The following CELSR1 variants were observed in gnomAD, a reference collection of about 807,000 sequenced individuals.
CELSR1 encodes the protein adhesion G protein-coupled receptor C1.
A neutral mutation model predicts 249.1 loss-of-function variants in CELSR1; 110 were observed. The ratio of observed to expected loss-of-function variants is 0.44; its 90% CI spans 0.38 to 0.52. CELSR1 has a LOEUF of 0.52. Ranked by LOEUF, CELSR1 falls within the 20% of genes least tolerant of loss-of-function variation. CELSR1 has a pLI of 0.00. For synonymous variants in CELSR1, 2,113 were observed against 1,900.0 expected, an observed-to-expected ratio of 1.11 and a Z score of -2.92; for missense variants, 4,109 against 4,296.4, an observed-to-expected ratio of 0.96 and a Z score of 1.22.
intron 17 of CELSR1, 122 bp from the exon 18 acceptor site, chr22:46,389,621 A>G: frequency 1.8e-6 from 2 of 1,112,456 alleles, no homozygotes; most frequent in Non-Finnish European, 2.6e-6. Flanking sequence ...AACTTTAAAA[A>G]ATCCAAAAGC....
rs761786832 is a variant in CELSR1 at position 46,535,109 on chromosome 22, T to C, written c.2062A>G (p.Thr688Ala). 6.2e-7 allele frequency: 1 copy of C among 1,611,912 alleles called. No individual in the cohort carries two copies. The highest frequency in any genetic ancestry group is 2.2e-5 in the East Asian group (1 of 44,856). The change falls in exon 1 of 35, where the codon ACG becomes GCG. Residue 688 changes from threonine to alanine, a missense_variant. Around this residue, in one of 7 missense-constraint regions of CELSR1, gnomAD observed 886 missense variants for 896.5 expected, o/e 0.99. Transcript: ENST00000674500. ...LDVNDNDPVF[T>A]QPTYELRLNE... ...AGACGAAGCTCGTAGGTGGGCTGCGTGAACACCGGGTCGTTGTCATTCACG... is the reference window on the plus strand; with the variant it reads ...AGACGAAGCTCGTAGGTGGGCTGCGCGAACACCGGGTCGTTGTCATTCACG...
At position 46,399,931 on chromosome 22, in the gene CELSR1, T is replaced by C. The variant is rs752293119; in HGVS notation, c.5227-29A>G. 12 of 1,609,914 alleles carry C rather than the reference T, an allele frequency of 7.5e-6. No individual in the cohort carries two copies. The highest frequency in any genetic ancestry group is 3.3e-5 in the Admixed American group (2 of 59,828). On this transcript the variant is annotated intron_variant, in intron 9 of 34. Coordinates refer to ENST00000674500, the MANE Select transcript of CELSR1 (RefSeq NM_001378328.1). This position sits in a 1 kb window ranked among gnomAD's most constrained non-coding sequence, Gnocchi z 5.0. ...GAGCAGGGAGAGCCACACCGACTGATTGGTACAATGACAATGAAAGAGAAA... is the reference window on the plus strand; with the variant it reads ...GAGCAGGGAGAGCCACACCGACTGACTGGTACAATGACAATGAAAGAGAAA...
At chr22:46,373,556 G>A (rs1017334258) in intron 24 of CELSR1, among the ~76,000 whole-genome samples, 4 of 151,016 alleles carry the variant, frequency 2.6e-5, no homozygotes, top group African/African-American at 9.8e-5. Flanking sequence ...GGGAGAGGCT[G>A]CCCCAGCCAG....
chr22:46,433,445 C>A lies in CELSR1; in HGVS notation c.4559G>T (p.Ser1520Ile), dbSNP rs1399918386. 1 of 1,613,946 alleles carries A rather than the reference C, an allele frequency of 6.2e-7. No individual in the cohort carries two copies. Among genetic ancestry groups the A allele is most frequent in the African/African-American group, 1.3e-5 (1 of 74,930 alleles). The change falls in exon 5 of 35, where the codon AGT becomes ATT. Residue 1520 changes from serine to isoleucine, a missense_variant. Physicochemically the swap from Ser to Ile is moderately radical, Grantham distance 142. This residue lies in a region of CELSR1 where 453 missense variants were observed against 492.0 expected (regional missense o/e 0.92). Transcript: ENST00000674500. The surrounding 1 kb of genome is among the most constrained non-coding windows in gnomAD (Gnocchi z 5.7). ...GTGCCACCGCCCGTCACTCACACCA[C>A]TGGGAACCTTCGGTGCCACGGTCGT... ...TTTTVAPKVP[S>I]GVSDGRWHSV...
chr22:46,432,824 C>G (rs2079611061), intron 5 of CELSR1, among the ~76,000 whole-genome samples: 1 of 152,138 alleles, frequency 6.6e-6, no homozygotes, highest in Admixed American at 6.5e-5. Context: ...TGTCCCTCCC[C>G]CAGCGCAGGA....
chr22:46,504,679 A>G (rs1042303860), intron 1 of CELSR1, among the ~76,000 whole-genome samples: 2 of 152,210 alleles, frequency 1.3e-5, no homozygotes, highest in African/African-American at 4.8e-5. Context: ...GGCAGATTTC[A>G]TCTTCACACA....
intron 1 of CELSR1, among the ~76,000 whole-genome samples, chr22:46,475,945 C>T (rs528027825): frequency 6.6e-6 from 1 of 152,242 alleles, no homozygotes; most frequent in Admixed American, 6.5e-5. Context: ...TAATAACAGG[C>T]CCCACTGTGC....
In CELSR1 at chr22:46,364,649, C is replaced by T. The variant is rs528831685; in HGVS notation, c.8642G>A (p.Arg2881His). 9.7e-5 allele frequency: 156 copies of T among 1,612,700 alleles called. No homozygotes were observed. The South Asian group carries it at 1.1e-3, about 11-fold the overall frequency. ...SDSEDPSGKPRLKVETKVSVE... is the reference protein window; with the variant it reads ...SDSEDPSGKPHLKVETKVSVE... Reference sequence around the variant, plus strand: ...GCTGACCTTGGTCTCCACCTTCAGGCGGGGCTTGCCGCTGGGGTCCTCACT... The same window carrying T: ...GCTGACCTTGGTCTCCACCTTCAGGTGGGGCTTGCCGCTGGGGTCCTCACT... The change falls in exon 33 of 35, where the codon CGC becomes CAC. Residue 2881 changes from arginine (R) to histidine (H), a missense_variant. Physicochemically the swap from Arg to His is conservative, Grantham distance 29. Around this residue, in one of 7 missense-constraint regions of CELSR1, gnomAD observed 1,805 missense variants for 1,831.6 expected, o/e 0.99. Transcript: ENST00000674500.
Position 46,364,066 on chromosome 22 carries a change from G to A in CELSR1, c.8965C>T (p.Arg2989Cys), listed in dbSNP as rs1219946679. 4.3e-6 allele frequency: 7 copies of A among 1,612,144 alleles called. No homozygotes were observed. The highest frequency in any genetic ancestry group is 1.3e-5 in the African/African-American group (1 of 74,912). ...TVKSPGREPG[R>C]DHLNGVAMNV... ...ATGGCCACCCCGTTGAGGTGGTCAC[G>A]CCCCGGCTCCCTCCCAGGGCTCTTG... The change falls in exon 34 of 35, where the codon CGT (arginine) becomes TGT (cysteine). Residue 2989 changes from arginine (R) to cysteine (C), a missense_variant. This residue lies in a region of CELSR1 where 1,805 missense variants were observed against 1,831.6 expected (regional missense o/e 0.99). Coordinates refer to ENST00000674500, the MANE Select transcript of CELSR1 (RefSeq NM_001378328.1).
intron 9 of CELSR1, among the ~76,000 whole-genome samples, chr22:46,405,547 A>G (rs2079256805): frequency 6.6e-6 from 1 of 152,148 alleles, no homozygotes; most frequent in African/African-American, 2.4e-5. Context: ...CAGTGATAAA[A>G]GTGATGTTAT....
rs1010023278 is a variant in CELSR1 at position 46,536,822 on chromosome 22, G to A, written c.349C>T (p.Arg117Cys). The A allele has an allele frequency of 4.2e-6, 5 of 1,204,728 alleles. No homozygotes were observed. The highest frequency in any genetic ancestry group is 4.1e-6 in the Non-Finnish European group (4 of 971,678). 74.6% of individuals were successfully genotyped at this position (1,204,728 alleles called of 1,614,324 possible). Residue 117 changes from arginine to cysteine, a missense_variant, in exon 1 of 35, where the codon CGT (arginine) becomes TGT (cysteine). Around this residue, in one of 7 missense-constraint regions of CELSR1, gnomAD observed 673 missense variants for 636.8 expected, o/e 1.06. Coordinates refer to ENST00000674500, the MANE Select transcript of CELSR1 (RefSeq NM_001378328.1). The part of the protein sequence containing the change: ...ARTHLPGCGA[R>C]ARLCGTGARL... ...GCACCGGTTCCGCAGAGCCGGGCACGGGCTCCGCAGCCGGGAAGGTGCGTG... is the reference window on the plus strand; with the variant it reads ...GCACCGGTTCCGCAGAGCCGGGCACAGGCTCCGCAGCCGGGAAGGTGCGTG...
rs1222293694 is a variant in CELSR1 at position 46,526,375 on chromosome 22, C to G, written c.3544+7252G>C. 6.6e-6 allele frequency among the ~76,000 whole-genome samples: 1 copy of G among 152,228 alleles called. No homozygotes were observed. The highest frequency in any genetic ancestry group is 1.5e-5 in the Non-Finnish European group (1 of 68,034). Reference sequence around the variant, plus strand: ...CTAGGTGCTGTGCGTAACCCGCCAACTCTGCTGGGCCTTTAGCTCAGCCTT... The same window carrying G: ...CTAGGTGCTGTGCGTAACCCGCCAAGTCTGCTGGGCCTTTAGCTCAGCCTT... On this transcript the variant is annotated intron_variant, in intron 1 of 34. Transcript: ENST00000674500. This position sits in a 1 kb window ranked among gnomAD's most constrained non-coding sequence, Gnocchi z 4.7.
chr22:46,377,038 G>A lies in CELSR1; in HGVS notation c.7584+23C>T, dbSNP rs760319795. ...CTCCAAGCTGCGGCCCAGACAGTGG[G>A]GAGGGGAGCAGAGTGGCCATACCGG... On this transcript the variant is annotated intron_variant, in intron 24 of 34. Coordinates refer to ENST00000674500, the MANE Select transcript of CELSR1 (RefSeq NM_001378328.1). 2.5e-6 allele frequency: 4 copies of A among 1,610,074 alleles called. No individual in the cohort carries two copies. The East Asian group carries it at 8.9e-5, about 36-fold the overall frequency.
chr22:46,444,911 A>C lies in CELSR1; in HGVS notation c.4184-5500T>G, dbSNP rs151097403. The stretch of plus-strand genomic sequence containing the variant: ...GTCAAATCTCCCTCTCCTTCCTGTT[A>C]TTAAAGACACCAGGCCGGGAGCGGT... On this transcript the variant is annotated intron_variant, in intron 2 of 34. Transcript: ENST00000674500. Among the ~76,000 whole-genome samples the C allele has an allele frequency of 4.1e-3, 619 of 152,262 alleles. 3 individuals are homozygous for C. The highest frequency in any genetic ancestry group is 7.5e-3 in the African/African-American group (310 of 41,556).
At chr22:46,379,438 G>T (rs1352234406) in intron 22 of CELSR1, among the ~76,000 whole-genome samples, 1 of 152,220 alleles carries the variant, frequency 6.6e-6, no homozygotes, top group Non-Finnish European at 1.5e-5. Flanking sequence ...TACAATCTGG[G>T]AATAATAAGT....
chr22:46,492,857 G>GA (rs1427000648), intron 1 of CELSR1, among the ~76,000 whole-genome samples: 1 of 151,806 alleles, frequency 6.6e-6, no homozygotes, highest in African/African-American at 2.4e-5. Context: ...CTCTGTCTCA[G>GA]AAAAAAACCA....
intron 1 of CELSR1, among the ~76,000 whole-genome samples, chr22:46,491,728 G>A (rs900824237): frequency 6.7e-6 from 1 of 148,288 alleles, no homozygotes; most frequent in African/African-American, 2.5e-5. Flanking sequence ...TTCACCTCCC[G>A]AATTCAAGCA....
At position 46,369,137 on chromosome 22, in the gene CELSR1, C is replaced by T. The variant is rs202160178; in HGVS notation, c.7952+42G>A. On this transcript the variant is annotated intron_variant, in intron 27 of 34. Coordinates refer to ENST00000674500, the MANE Select transcript of CELSR1 (RefSeq NM_001378328.1). ...GAGACTGGACGTCGGGGTCTCAGGG[C>T]CCAGCCGACATGGCTGGCCGGTCAG... is the stretch of plus-strand genomic sequence containing the variant. The T allele has an allele frequency of 3.1e-6, 5 of 1,591,910 alleles. 1 individual carries two copies. In the Admixed American group the frequency reaches 5.0e-5, roughly 16 times the overall value.
At chr22:46,465,384 C>A (rs1421563616) in intron 1 of CELSR1, among the ~76,000 whole-genome samples, 1 of 152,002 alleles carries the variant, frequency 6.6e-6, no homozygotes, top group Non-Finnish European at 1.5e-5. Context: ...AGCGTGGGGC[C>A]CCTGTCACCC....
Sources: gnomAD v4.1 joint callset for allele counts (sites outside exome capture counted in the v4.1 genomes callset) on GRCh38, gnomAD v4.1.1 for gene constraint, gnomAD v4.1.1 regional missense constraint, Gnocchi (gnomAD v3.1) non-coding constraint, MANE v1.5 for transcripts, NCBI Gene and HGNC (gene_info 2026-07-23, HGNC 2026-07-21) for gene names.